The following HCN1 variants were observed in gnomAD, a reference collection of about 807,000 sequenced individuals.
HCN1 encodes potassium/sodium hyperpolarization-activated cyclic nucleotide-gated channel 1.
HCN1 carries 13 observed loss-of-function variants against 78.9 expected under a neutral mutation model. That is an observed-to-expected ratio of 0.16 (90% CI 0.11 to 0.26). HCN1 has a LOEUF of 0.26. HCN1 is among the 10% of genes least tolerant of loss of function. HCN1 has a pLI of 1.00. For synonymous variants in HCN1, 552 were observed against 455.5 expected, an observed-to-expected ratio of 1.21 and a Z score of -2.70; for missense variants, 810 against 1,154.3, an observed-to-expected ratio of 0.70 and a Z score of 4.32.
At chr5:45,549,200 G>A in intron 2 of HCN1, among the ~76,000 whole-genome samples, 1 of 152,098 alleles carries the variant, frequency 6.6e-6, no homozygotes, top group Non-Finnish European at 1.5e-5. Context: ...TCAATCCTAA[G>A]CCAAAAGAAC....
intron 5 of HCN1, among the ~76,000 whole-genome samples, chr5:45,314,033 GA>G: frequency 6.6e-6 from 1 of 151,572 alleles, no homozygotes; most frequent in East Asian, 1.9e-4. Flanking sequence ...AAAGATACGA[GA>G]AGAGCAACTC....
intron 4 of HCN1, among the ~76,000 whole-genome samples, chr5:45,371,772 T>C (rs1161076678): frequency 7.1e-6 from 1 of 141,666 alleles, no homozygotes; most frequent in Non-Finnish European, 1.5e-5. Context: ...AAAAAATATA[T>C]ATATATATGT....
intron 2 of HCN1, among the ~76,000 whole-genome samples, chr5:45,462,893 C>T (rs1481244955): frequency 6.6e-6 from 1 of 151,968 alleles, no homozygotes; most frequent in Non-Finnish European, 1.5e-5. Context: ...CTCTAACTGG[C>T]TGCTAATATA....
chr5:45,658,989 C>A (rs1745855500), intron 1 of HCN1, among the ~76,000 whole-genome samples: 2 of 149,828 alleles, frequency 1.3e-5, no homozygotes. Flanking sequence ...GTAGGCTCCA[C>A]CTCTGGGGGC....
At chr5:45,314,503 C>A (rs1745933929) in intron 5 of HCN1, among the ~76,000 whole-genome samples, 1 of 152,154 alleles carries the variant, frequency 6.6e-6, no homozygotes, top group Non-Finnish European at 1.5e-5. Flanking sequence ...ACGAAATTCA[C>A]ATATAACAAT....
intron 2 of HCN1, among the ~76,000 whole-genome samples, chr5:45,568,982 G>C (rs1743772451): frequency 6.6e-6 from 1 of 152,032 alleles, no homozygotes; most frequent in South Asian, 2.1e-4. Context: ...AGGTCATAAA[G>C]CCTAGACAGG....
Position 45,695,879 on chromosome 5 carries a change from C to G in HCN1, c.215G>C (p.Gly72Ala). 6.6e-7 allele frequency: 1 copy of G among 1,523,800 alleles called. No individual in the cohort carries two copies. The highest frequency in any genetic ancestry group is 2.4e-5 in the East Asian group (1 of 41,400). 94.4% of individuals were successfully genotyped at this position (1,523,800 alleles called of 1,614,324 possible). A position where few individuals can be genotyped will look rare whatever the true frequency, so the allele number is the denominator to read the frequency against. ...GCCCCCCGCCGGCTCCTCGCCGCCG[C>G]CGCCGCCGCCGCCACCGCCGCCACC... ...DGGGGGGGGG[G>A]GGEEPAGGFE... is the part of the protein sequence containing the mutation. Residue 72 changes from glycine to alanine, a missense_variant, in exon 1 of 8, where the codon GGC becomes GCC. By Grantham distance (60) the Gly-to-Ala change is moderately conservative. This residue lies in a region of HCN1 where 170 missense variants were observed against 166.8 expected (regional missense o/e 1.02). Transcript: ENST00000303230.
chr5:45,524,863 C>T (rs1210309863), intron 2 of HCN1, among the ~76,000 whole-genome samples: 7 of 152,060 alleles, frequency 4.6e-5, no homozygotes, highest in East Asian at 1.9e-4. Flanking sequence ...TTCTCCTGTC[C>T]AATTGCCCTG....
intron 2 of HCN1, among the ~76,000 whole-genome samples, chr5:45,549,532 A>C (rs566389122): frequency 6.6e-6 from 1 of 152,270 alleles, no homozygotes; most frequent in African/African-American, 2.4e-5. Context: ...TAGACCTAAA[A>C]CCATAAAAAC....
At chr5:45,443,585 C>A (rs2111574481) in intron 3 of HCN1, among the ~76,000 whole-genome samples, 1 of 152,112 alleles carries the variant, frequency 6.6e-6, no homozygotes, top group Middle Eastern at 3.4e-3. Flanking sequence ...AAAGTGTAGG[C>A]TTAATTTTCC....
chr5:45,419,486 C>T (rs13163424), intron 3 of HCN1, among the ~76,000 whole-genome samples: 4,612 of 152,272 alleles, frequency 0.03, 103 homozygotes, highest in Non-Finnish European at 0.045. Flanking sequence ...TTATATTATA[C>T]TAATAAGACA....
chr5:45,666,721 T>C (rs369702381), intron 1 of HCN1, among the ~76,000 whole-genome samples: 9 of 152,164 alleles, frequency 5.9e-5, no homozygotes, highest in African/African-American at 2.2e-4. Context: ...CCATTGTCTA[T>C]CTAACACAGT....
chr5:45,659,075 C>T (rs1745857955), intron 1 of HCN1, among the ~76,000 whole-genome samples: 1 of 152,070 alleles, frequency 6.6e-6, no homozygotes, highest in Non-Finnish European at 1.5e-5. Context: ...TTGAAGAGAC[C>T]AGTGGTTCTC....
chr5:45,523,113 G>GT (rs1404999122), intron 2 of HCN1, among the ~76,000 whole-genome samples: 7 of 151,710 alleles, frequency 4.6e-5, no homozygotes, highest in Admixed American at 6.6e-5. Context: ...GTGGTGTTTG[G>GT]TTTTTTGTCC....
At position 45,527,133 on chromosome 5, in the gene HCN1, A is replaced by C. The variant is rs377151579; in HGVS notation, c.850-65126T>G. Among the ~76,000 whole-genome samples, 7 of 133,512 alleles carry C rather than the reference A, an allele frequency of 5.2e-5. 1 individual carries two copies. Among genetic ancestry groups the C allele is most frequent in the East Asian group, 4.9e-4 (2 of 4,106 alleles). 87.6% of individuals were successfully genotyped at this position (133,512 alleles called of 152,430 possible). ...TCCTACACAGACTGAGATAGATACT[A>C]TTCTTTTGAGCCCAGAAACTTCCTT... On this transcript the variant is annotated intron_variant, in intron 2 of 7. Coordinates refer to ENST00000303230, the MANE Select transcript of HCN1 (RefSeq NM_021072.4).
Position 45,260,202 on chromosome 5 carries a change from C to T in HCN1, c.*1719G>A, listed in dbSNP as rs1744704421. On this transcript the variant is annotated 3_prime_UTR_variant, in exon 8 of 8. Coordinates refer to ENST00000303230, the MANE Select transcript of HCN1 (RefSeq NM_021072.4). ...ACATAATGTGTGATCTCTGTATGTT[C>T]TTAAATGTATTGCCAGTGCCAGAGA... is the stretch of plus-strand genomic sequence containing the variant. The T allele has an allele frequency of 6.6e-6, 1 of 152,192 alleles. No individual in the cohort carries two copies. The highest frequency in any genetic ancestry group is 2.4e-5 in the African/African-American group (1 of 41,444). 9.4% of individuals were successfully genotyped at this position (152,192 alleles called of 1,614,324 possible). A position where few individuals can be genotyped will look rare whatever the true frequency, so the allele number is the denominator to read the frequency against.
intron 5 of HCN1, among the ~76,000 whole-genome samples, chr5:45,332,434 C>G (rs531449054): frequency 6.6e-6 from 1 of 150,952 alleles, no homozygotes; most frequent in Non-Finnish European, 1.5e-5. Context: ...CTTATTCATT[C>G]TTTCTATTTT....
chr5:45,275,987 A>T (rs548231296), intron 6 of HCN1, among the ~76,000 whole-genome samples: 1 of 152,274 alleles, frequency 6.6e-6, no homozygotes, highest in East Asian at 1.9e-4. Context: ...AAAATTCATC[A>T]AATGATTTTT....
At position 45,362,348 on chromosome 5, in the gene HCN1, A is replaced by G. The variant is rs367572699; in HGVS notation, c.1231-9102T>C. On this transcript the variant is annotated intron_variant, in intron 4 of 7. Transcript: ENST00000303230. ...AACTTTCCTATTTCCTTCCCTCAAC[A>G]GTTTCTTTCACTCACAGAAGATGAC... 3.1e-4 allele frequency among the ~76,000 whole-genome samples: 47 copies of G among 152,162 alleles called. No homozygotes were observed. The South Asian group carries it at 9.3e-3, about 30-fold the overall frequency.
Sources: gnomAD v4.1 joint callset for allele counts (sites outside exome capture counted in the v4.1 genomes callset) on GRCh38, gnomAD v4.1.1 for gene constraint, gnomAD v4.1.1 regional missense constraint, MANE v1.5 for transcripts, NCBI Gene and HGNC (gene_info 2026-07-23, HGNC 2026-07-21) for gene names.